SRGAP1: variants seen among roughly 807,000 people sequenced by gnomAD.
The protein encoded by SRGAP1 is SLIT-ROBO Rho GTPase activating protein 1.
Under a neutral mutation model 121.9 loss-of-function variants are expected in SRGAP1, and 43 were observed. That is an observed-to-expected ratio of 0.35 (90% CI 0.28 to 0.46). The LOEUF (loss-of-function observed/expected upper bound fraction) is 0.46, where lower values mean the gene tolerates loss of function less well. Among genes scored for constraint, SRGAP1 ranks in the 20% least tolerant of loss-of-function variants. The probability of loss-of-function intolerance (pLI) is 1.00; values close to 1 mark genes in which losing one functional copy is unlikely to be tolerated. For missense variants in SRGAP1, 1,102 were observed against 1,350.9 expected (o/e 0.82, Z 2.89); for synonymous variants, 447 against 485.4 (o/e 0.92, Z 1.04).
chr12:64,108,889 T>G, intron 15 of SRGAP1, 43 bp from the exon 16 acceptor site: 1 of 1,447,134 alleles, frequency 6.9e-7, no homozygotes, highest in Non-Finnish European at 9.6e-7. Context: ...GTTTTAAATG[T>G]GGCAAGTGAA....
At chr12:64,046,328 A>G (rs1234182177) in intron 6 of SRGAP1, among the ~76,000 whole-genome samples, 1 of 152,110 alleles carries the variant, frequency 6.6e-6, no homozygotes, top group Non-Finnish European at 1.5e-5. Context: ...TGAGCAGGGA[A>G]GTGACATCAC....
At position 64,126,277 on chromosome 12, in the gene SRGAP1, G is replaced by A. The variant is rs891782992; in HGVS notation, c.2405+120G>A. 41 of 1,152,360 alleles carry A rather than the reference G, an allele frequency of 3.6e-5. No individual in the cohort carries two copies. The African/African-American group carries it at 4.8e-4, about 13-fold the overall frequency. 71.4% of individuals were successfully genotyped at this position (1,152,360 alleles called of 1,614,324 possible). ...AAGGGATTACAGAGATAAAACTTCA[G>A]AGCTAGGCACAGTTCCTTACCTTGC... On this transcript the variant is annotated intron_variant, in intron 19 of 21. Transcript: ENST00000355086.
chr12:64,032,530 A>C, intron 4 of SRGAP1: 1 of 1,208,902 alleles, frequency 8.3e-7, no homozygotes, highest in Non-Finnish European at 1.2e-6. Flanking sequence ...GGGCCAGCAC[A>C]GAGTGACCCA....
intron 1 of SRGAP1, among the ~76,000 whole-genome samples, chr12:63,945,083 A>G (rs2031999543): frequency 6.6e-6 from 1 of 151,998 alleles, no homozygotes; most frequent in Non-Finnish European, 1.5e-5. Context: ...AAACAAAACA[A>G]ATACAGCTCT....
intron 1 of SRGAP1, among the ~76,000 whole-genome samples, chr12:63,954,857 G>C (rs993581961): frequency 6.6e-6 from 1 of 152,044 alleles, no homozygotes; most frequent in Admixed American, 6.6e-5. Context: ...TGTAAAATTA[G>C]TATAGAACTG....
intron 6 of SRGAP1, among the ~76,000 whole-genome samples, chr12:64,054,888 TC>T (rs1230055702): frequency 1.6e-5 from 1 of 63,008 alleles, no homozygotes; most frequent in Non-Finnish European, 2.9e-5. Context: ...CCCTCCCCCC[TC>T]CCCCCACCCC....
chr12:63,922,489 T>TC (rs1285602468), intron 1 of SRGAP1, among the ~76,000 whole-genome samples: 1 of 152,224 alleles, frequency 6.6e-6, no homozygotes, highest in Non-Finnish European at 1.5e-5. Flanking sequence ...GCATGTTACC[T>TC]CACAAGTAAA....
chr12:63,963,115 T>C (rs899459978), intron 1 of SRGAP1, among the ~76,000 whole-genome samples: 1 of 152,198 alleles, frequency 6.6e-6, no homozygotes. Flanking sequence ...GGAGAGAAAA[T>C]AAAAATGTAT....
rs140042368 is a variant in SRGAP1, at chr12:63,916,032, CTTTTTT to C, written c.68-67902_68-67897del. On this transcript the variant is annotated intron_variant, in intron 1 of 21. Transcript: ENST00000355086. ...GAAATGGTGTCTTTTCTTTTCTTTT[CTTTTTT>C]TTTTTTTTTTTTGAGATGGGGTCTC... 1.3e-3 allele frequency among the ~76,000 whole-genome samples: 167 copies of C among 125,196 alleles called. 1 individual carries two copies. The highest frequency in any genetic ancestry group is 4.8e-3 in the African/African-American group (160 of 33,090). 82.1% of individuals were successfully genotyped at this position (125,196 alleles called of 152,430 possible).
chr12:63,921,635 C>T lies in SRGAP1; in HGVS notation c.68-62312C>T, dbSNP rs114495146. Among the ~76,000 whole-genome samples the T allele has an allele frequency of 6.7e-3, 1,025 of 152,282 alleles. 9 individuals carry two copies. Among genetic ancestry groups the T allele is most frequent in the African/African-American group, 0.022 (927 of 41,546 alleles). On this transcript the variant is annotated intron_variant, in intron 1 of 21. Coordinates refer to ENST00000355086, the MANE Select transcript of SRGAP1 (RefSeq NM_020762.4). The stretch of plus-strand genomic sequence containing the variant: ...ACGTGTACACGTACATATGCTCCCA[C>T]GCCTGCCACAACTAAGGATTATCTG...
At chr12:64,092,614 C>A (rs2036075581) in intron 12 of SRGAP1, among the ~76,000 whole-genome samples, 1 of 152,040 alleles carries the variant, frequency 6.6e-6, no homozygotes, top group Admixed American at 6.6e-5. Context: ...CTGCCTTAAG[C>A]CTTAAATCCA....
intron 1 of SRGAP1, among the ~76,000 whole-genome samples, chr12:63,912,375 A>G (rs1022557099): frequency 6.6e-6 from 1 of 152,206 alleles, no homozygotes; most frequent in African/African-American, 2.4e-5. Flanking sequence ...TGAGCAGCCA[A>G]GGCGAGAGAA....
At position 64,157,800 on chromosome 12, in the gene SRGAP1, C is replaced by A. The variant is rs1438175337; in HGVS notation, c.*15128C>A. The A allele has an allele frequency of 1.3e-5, 2 of 151,998 alleles. No homozygotes were observed. The highest frequency in any genetic ancestry group is 4.8e-5 in the African/African-American group (2 of 41,408). 9.4% of individuals were successfully genotyped at this position (151,998 alleles called of 1,614,324 possible). ...AACTGATGCTAGCTGCTGTAACAAACAACCCCCCAAACTCAGTAACACAAT... is the reference window on the plus strand; with the variant it reads ...AACTGATGCTAGCTGCTGTAACAAAAAACCCCCCAAACTCAGTAACACAAT... On this transcript the variant is annotated 3_prime_UTR_variant, in exon 22 of 22. Transcript: ENST00000355086.
At chr12:64,059,879 A>G (rs2035414042) in intron 6 of SRGAP1, among the ~76,000 whole-genome samples, 1 of 152,084 alleles carries the variant, frequency 6.6e-6, no homozygotes, top group African/African-American at 2.4e-5. Flanking sequence ...GCATTTCACA[A>G]TTGTATTTTG....
intron 2 of SRGAP1, among the ~76,000 whole-genome samples, chr12:63,987,694 C>T (rs1200958356): frequency 6.6e-6 from 1 of 151,998 alleles, no homozygotes; most frequent in Non-Finnish European, 1.5e-5. Context: ...TGCAGCCCAG[C>T]CTAGGCAACA....
chr12:63,905,813 T>G (rs1433057197), intron 1 of SRGAP1, among the ~76,000 whole-genome samples: 1 of 152,122 alleles, frequency 6.6e-6, no homozygotes, highest in Non-Finnish European at 1.5e-5. Context: ...CAATAATTAG[T>G]GTTTATGGAG....
At chr12:64,020,913 G>A (rs1161363679) in intron 4 of SRGAP1, among the ~76,000 whole-genome samples, 34 of 147,194 alleles carry the variant, frequency 2.3e-4, no homozygotes, top group Non-Finnish European at 2.5e-4. Context: ...CAAAATAATG[G>A]CATAAACCAA....
intron 3 of SRGAP1, among the ~76,000 whole-genome samples, chr12:63,992,898 T>C (rs1244762961): frequency 2.0e-5 from 3 of 152,186 alleles, no homozygotes; most frequent in African/African-American, 4.8e-5. Flanking sequence ...TGCTTCCTGA[T>C]CAGCTTTCTC....
intron 21 of SRGAP1, among the ~76,000 whole-genome samples, chr12:64,130,440 G>T (rs746742011): frequency 2.0e-5 from 3 of 152,172 alleles, no homozygotes; most frequent in Non-Finnish European, 4.4e-5. Context: ...GGATAATGAT[G>T]AATGGTGCCA....
Sources: gnomAD v4.1 joint callset for allele counts (sites outside exome capture counted in the v4.1 genomes callset) on GRCh38, gnomAD v4.1.1 for gene constraint, MANE v1.5 for transcripts, NCBI Gene and HGNC (gene_info 2026-07-23, HGNC 2026-07-21) for gene names.